Variants in PAG1 observed in about 807,000 individuals in gnomAD.
The protein encoded by PAG1 is phosphoprotein associated with glycosphingolipid-enriched microdomains 1.
PAG1 carries 23 observed loss-of-function variants against 31.7 expected under a neutral mutation model. The observed-to-expected ratio is 0.73, with a 90% CI of 0.52 to 1.03. PAG1 has a LOEUF of 1.03. Among genes scored for constraint, PAG1 ranks in the 50% least tolerant of loss-of-function variants. The probability of loss-of-function intolerance (pLI) is 0.00; values close to 1 mark genes in which losing one functional copy is unlikely to be tolerated. For synonymous variants in PAG1, 214 were observed against 210.3 expected, an observed-to-expected ratio of 1.02 and a Z score of -0.15; for missense variants, 473 against 540.7, an observed-to-expected ratio of 0.87 and a Z score of 1.24.
At chr8:81,109,670 A>C (rs1809744624) in intron 1 of PAG1, among the ~76,000 whole-genome samples, 1 of 152,244 alleles carries the variant, frequency 6.6e-6, no homozygotes, top group Non-Finnish European at 1.5e-5. Context: ...ATAACAATGA[A>C]AATTTTTCCC....
chr8:81,091,635 C>T (rs1335928002), intron 1 of PAG1, among the ~76,000 whole-genome samples: 3 of 152,040 alleles, frequency 2.0e-5, no homozygotes, highest in Non-Finnish European at 2.9e-5. Context: ...TATGGGACCA[C>T]GGTTTTATAT....
chr8:81,105,564 C>CT (rs886308663), intron 1 of PAG1, among the ~76,000 whole-genome samples: 2 of 151,730 alleles, frequency 1.3e-5, no homozygotes, highest in African/African-American at 4.8e-5. Flanking sequence ...TAGGGACTGG[C>CT]TTTTTTTTAA....
chr8:81,053,658 T>C (rs149099433), intron 2 of PAG1, among the ~76,000 whole-genome samples: 4 of 152,162 alleles, frequency 2.6e-5, no homozygotes, highest in Non-Finnish European at 5.9e-5. Context: ...GCATGAGCAA[T>C]AAAAAGGGGA....
At chr8:81,002,921 T>C (rs566945602) in intron 3 of PAG1, among the ~76,000 whole-genome samples, 16 of 152,312 alleles carry the variant, frequency 1.1e-4, no homozygotes, top group Middle Eastern at 3.4e-3. Context: ...CCAGAGCTTA[T>C]CCTCACAGCT....
chr8:81,109,049 C>G lies in PAG1; in HGVS notation c.-234+2542G>C, dbSNP rs186703640. Reference sequence around the variant, plus strand: ...AGGAAACCAAATGGAGACCACCACCCTCCAGTGTAAACTCTAACATCACAC... The same window carrying G: ...AGGAAACCAAATGGAGACCACCACCGTCCAGTGTAAACTCTAACATCACAC... On this transcript the variant is annotated intron_variant, in intron 1 of 8. Transcript: ENST00000220597. Among the ~76,000 whole-genome samples the G allele has an allele frequency of 2.3e-3, 344 of 152,250 alleles. 1 individual carries two copies. Among genetic ancestry groups the G allele is most frequent in the Non-Finnish European group, 6.8e-4 (46 of 68,024 alleles).
At chr8:81,031,927 T>C (rs977927112) in intron 2 of PAG1, among the ~76,000 whole-genome samples, 1 of 152,200 alleles carries the variant, frequency 6.6e-6, no homozygotes, top group Non-Finnish European at 1.5e-5. Context: ...ATATGGCCAG[T>C]TGAGTTTTTG....
In PAG1 at chr8:80,969,343, A is replaced by T. The variant is rs1019970410; in HGVS notation, c.*7201T>A. The T allele has an allele frequency of 6.6e-6, 1 of 152,184 alleles. No individual in the cohort carries two copies. The highest frequency in any genetic ancestry group is 2.4e-5 in the African/African-American group (1 of 41,440). 9.4% of individuals were successfully genotyped at this position (152,184 alleles called of 1,614,324 possible). On this transcript the variant is annotated 3_prime_UTR_variant, in exon 9 of 9. Transcript: ENST00000220597. ...GAAGCTTGTCAAAGGAATGCTCAAAATCCTCAACCCATAGACTCAGGCTTT... is the reference window on the plus strand; with the variant it reads ...GAAGCTTGTCAAAGGAATGCTCAAATTCCTCAACCCATAGACTCAGGCTTT...
intron 1 of PAG1, among the ~76,000 whole-genome samples, chr8:81,099,485 T>C (rs1335712561): frequency 2.6e-5 from 4 of 152,166 alleles, no homozygotes; most frequent in South Asian, 2.1e-4. Context: ...AGAGTTCCGA[T>C]AACTAAGAGT....
At position 80,976,838 on chromosome 8, in the gene PAG1, T is replaced by G. The variant is rs769258692; in HGVS notation, c.1005A>C (p.Thr335=). The change falls in exon 9 of 9, where the codon ACA becomes ACC. Residue 335 remains threonine, a synonymous_variant. Coordinates refer to ENST00000220597, the MANE Select transcript of PAG1 (RefSeq NM_018440.4). Reference sequence around the variant, plus strand: ...TGGAGGTGTAGGTGGACTCCGGAACTGTAAGCGACTGCCCCGATTTATTCA... The same window carrying G: ...TGGAGGTGTAGGTGGACTCCGGAACGGTAAGCGACTGCCCCGATTTATTCA... ...QLVNKSGQSL[T]VPESTYTSIQ... 1.2e-6 allele frequency: 2 copies of G among 1,613,802 alleles called. No individual in the cohort carries two copies. Among genetic ancestry groups the G allele is most frequent in the Non-Finnish European group, 1.7e-6 (2 of 1,179,674 alleles).
At chr8:81,069,379 G>A (rs974798589) in intron 2 of PAG1, among the ~76,000 whole-genome samples, 1 of 152,220 alleles carries the variant, frequency 6.6e-6, no homozygotes, top group Non-Finnish European at 1.5e-5. Flanking sequence ...TATGAGTCGG[G>A]CAGGCCATAA....
At chr8:81,046,070 C>T (rs1026830) in intron 2 of PAG1, among the ~76,000 whole-genome samples, 108,230 of 151,548 alleles carry the variant, frequency 0.71, 40,734 homozygotes, top group Non-Finnish European at 0.84. Context: ...ATATTAGAGC[C>T]GGGAAGGAAC....
At chr8:81,076,322 G>C (rs112065905) in intron 1 of PAG1, among the ~76,000 whole-genome samples, 1 of 152,216 alleles carries the variant, frequency 6.6e-6, no homozygotes, top group Non-Finnish European at 1.5e-5. Context: ...CCATGATTCA[G>C]AGATAACAAT....
chr8:81,025,333 A>C (rs1351070010), intron 3 of PAG1, among the ~76,000 whole-genome samples: 3 of 152,158 alleles, frequency 2.0e-5, no homozygotes, highest in African/African-American at 7.2e-5. Context: ...TGCTGAACCC[A>C]TGTCTCCCAA....
intron 2 of PAG1, among the ~76,000 whole-genome samples, chr8:81,042,782 C>G (rs1808576566): frequency 6.6e-6 from 1 of 152,050 alleles, no homozygotes; most frequent in African/African-American, 2.4e-5. Context: ...AAGTACCTAT[C>G]CCTGAGGTGT....
chr8:81,050,422 A>G (rs1267104854), intron 2 of PAG1, among the ~76,000 whole-genome samples: 1 of 152,008 alleles, frequency 6.6e-6, no homozygotes, highest in Non-Finnish European at 1.5e-5. Context: ...TTTGAAATTC[A>G]GTTTTGAGTT....
chr8:81,033,540 C>T (rs149350417), intron 2 of PAG1, among the ~76,000 whole-genome samples: 181 of 152,312 alleles, frequency 1.2e-3, no homozygotes, highest in African/African-American at 4.0e-3. Context: ...CTGATACTGA[C>T]GATTTAGTCA....
chr8:81,008,858 G>C (rs114957058), intron 3 of PAG1, among the ~76,000 whole-genome samples: 1 of 151,998 alleles, frequency 6.6e-6, no homozygotes, highest in Non-Finnish European at 1.5e-5. Flanking sequence ...TGTCATAAAA[G>C]TAGCTTTTAT....
At chr8:81,034,275 T>C (rs910599616) in intron 2 of PAG1, among the ~76,000 whole-genome samples, 2 of 152,192 alleles carry the variant, frequency 1.3e-5, no homozygotes, top group African/African-American at 4.8e-5. Context: ...GCTTGGAATA[T>C]AGTAATTGCT....
chr8:81,092,011 A>G (rs1181372895), intron 1 of PAG1, among the ~76,000 whole-genome samples: 1 of 150,982 alleles, frequency 6.6e-6, no homozygotes, highest in Non-Finnish European at 1.5e-5. Context: ...AAAAAAAAAA[A>G]AAAGAAACAA....
Sources: gnomAD v4.1 joint callset for allele counts (sites outside exome capture counted in the v4.1 genomes callset) on GRCh38, gnomAD v4.1.1 for gene constraint, MANE v1.5 for transcripts, NCBI Gene and HGNC (gene_info 2026-07-23, HGNC 2026-07-21) for gene names.